SSBP4: variants seen among roughly 807,000 people sequenced by gnomAD.
The protein encoded by SSBP4 is single stranded DNA binding protein 4, also known as single-stranded DNA-binding protein 4.
In SSBP4, 33 loss-of-function variants were observed where a neutral mutation model predicts 64.6. The ratio of observed to expected loss-of-function variants is 0.51; its 90% CI spans 0.39 to 0.68. The LOEUF is 0.68. Among genes scored for constraint, SSBP4 ranks in the 30% least tolerant of loss-of-function variants. The pLI, the probability that SSBP4 is intolerant of heterozygous loss-of-function variation, is 0.00. For missense variants in SSBP4, 583 were observed against 566.8 expected (o/e 1.03, Z -0.29); for synonymous variants, 243 against 224.0 (o/e 1.08, Z -0.76).
upstream of SSBP4, among the ~76,000 whole-genome samples, chr19:18,414,135 A>C (rs1356256847): frequency 6.6e-6 from 1 of 152,236 alleles, no homozygotes; most frequent in Admixed American, 6.5e-5. Context: ...GATGGGCTGC[A>C]GCCAGCGTGC....
intron 17 of SSBP4, 173 bp downstream of exon 17, chr19:18,433,990 A>G: frequency 1.2e-6 from 1 of 801,580 alleles, no homozygotes; most frequent in East Asian, 7.4e-5. Flanking sequence ...ACCCCCCACC[A>G]CCTCCCGCTC....
chr19:18,430,359 C>T (rs767655688), intron 4 of SSBP4, among the ~76,000 whole-genome samples: 5 of 152,192 alleles, frequency 3.3e-5, no homozygotes, highest in East Asian at 1.9e-4. Context: ...CCTGTCTTGT[C>T]GCCTTCTCCA....
rs887432401 is a variant in SSBP4 at position 18,434,375 on chromosome 19, G to GC, written c.*133dup. ...CAATCAAGGCTTGCCCAGCTGGGAG[G>GC]CCCCACACGAAAGACTCTTACCATT... On this transcript the variant is annotated 3_prime_UTR_variant, in exon 18 of 18. Transcript: ENST00000270061. The GC allele has an allele frequency of 4.1e-6, 6 of 1,457,012 alleles. No homozygotes were observed. In the African/African-American group the frequency reaches 8.7e-5, roughly 21 times the overall value. 90.3% of individuals were successfully genotyped at this position (1,457,012 alleles called of 1,614,324 possible). A position where few individuals can be genotyped will look rare whatever the true frequency, so the allele number is the denominator to read the frequency against.
the SSBP4 span, among the ~76,000 whole-genome samples, chr19:18,409,977 G>C: frequency 2.0e-5 from 3 of 152,082 alleles, no homozygotes; most frequent in Admixed American, 1.3e-4. Flanking sequence ...AAATACAGGC[G>C]CATGACACCA....
chr19:18,428,006 A>G (rs763304391), intron 4 of SSBP4, 24 bp downstream of exon 4: 10 of 1,293,690 alleles, frequency 7.7e-6, no homozygotes, highest in Middle Eastern at 2.1e-4. Context: ...CCAGGGACTC[A>G]GGGGCTCCAG....
At chr19:18,408,602 C>T in the SSBP4 span, among the ~76,000 whole-genome samples, 1,173 of 151,882 alleles carry the variant, frequency 7.7e-3, 15 homozygotes, top group African/African-American at 0.026. Flanking sequence ...AAGTGATTCT[C>T]CTGCCTCAGC....
intron 1 of SSBP4, among the ~76,000 whole-genome samples, chr19:18,420,432 G>A (rs1273494378): frequency 6.6e-6 from 1 of 152,146 alleles, no homozygotes; most frequent in Admixed American, 6.5e-5. Context: ...GATGGAGGAA[G>A]GGTCGTGGTG....
At chr19:18,431,304 AC>A in intron 5 of SSBP4, 48 bp from the exon 6 acceptor site, 1 of 627,114 alleles carries the variant, frequency 1.6e-6, no homozygotes, top group Non-Finnish European at 2.9e-6. Context: ...CCTCAGCCAA[AC>A]CCAGTAGGGC....
chr19:18,431,470 G>A lies in SSBP4; in HGVS notation c.435+52G>A, dbSNP rs369515073. ...ACACACACACATCCCCTCCCCCAGC[G>A]CCGCCCCCTCCCACCCTCAAGCCAT... On this transcript the variant is annotated intron_variant, in intron 6 of 17. Transcript: ENST00000270061. 99 of 1,081,456 alleles carry A rather than the reference G, an allele frequency of 9.2e-5. No homozygotes were observed. In the African/African-American group the frequency reaches 9.6e-4, roughly 10 times the overall value. 67.0% of individuals were successfully genotyped at this position (1,081,456 alleles called of 1,614,324 possible).
the SSBP4 span, among the ~76,000 whole-genome samples, chr19:18,411,452 G>A: frequency 1.3e-4 from 20 of 152,088 alleles, no homozygotes; most frequent in South Asian, 8.3e-4. Context: ...TCAAGATTGC[G>A]CCACTGCACT....
the SSBP4 span, among the ~76,000 whole-genome samples, chr19:18,404,131 C>T: frequency 1.5e-4 from 23 of 152,016 alleles, no homozygotes; most frequent in Admixed American, 6.5e-4. Context: ...TAGGGACACT[C>T]AGAAACGCCC....
rs1248859785 is a variant in SSBP4, at chr19:18,427,441, G to T, written c.132+18G>T. On this transcript the variant is annotated intron_variant, in intron 2 of 17. Coordinates refer to ENST00000270061, the MANE Select transcript of SSBP4 (RefSeq NM_032627.5). The surrounding 1 kb of genome is among the most constrained non-coding windows in gnomAD (Gnocchi z 4.4). ...TGTCTGAGGTAAGCCACCACCTCCA[G>T]GCTGGCCCTCCCTCCTCACCCACAC... is the stretch of plus-strand genomic sequence containing the variant. 1 of 1,607,420 alleles carries T rather than the reference G, an allele frequency of 6.2e-7. No homozygotes were observed. Among genetic ancestry groups the T allele is most frequent in the South Asian group, 1.1e-5 (1 of 90,918 alleles).
chr19:18,433,495 G>C, intron 15 of SSBP4, 90 bp from the exon 16 acceptor site: 1 of 1,510,454 alleles, frequency 6.6e-7, no homozygotes, highest in Non-Finnish European at 8.9e-7. Context: ...CGTCGGCGGG[G>C]GCAGCTTGCG....
At chr19:18,409,514 C>G in the SSBP4 span, among the ~76,000 whole-genome samples, 1 of 151,900 alleles carries the variant, frequency 6.6e-6, no homozygotes, top group Non-Finnish European at 1.5e-5. Flanking sequence ...ATTTTACTTT[C>G]TTAATAAATT....
At chr19:18,413,612 T>C in the SSBP4 span, among the ~76,000 whole-genome samples, 10 of 152,142 alleles carry the variant, frequency 6.6e-5, no homozygotes, top group Non-Finnish European at 1.5e-5. Flanking sequence ...TATCCGGCCA[T>C]GGGAGCTGGG....
chr19:18,428,962 C>G (rs1040840336), intron 4 of SSBP4, among the ~76,000 whole-genome samples: 3 of 152,160 alleles, frequency 2.0e-5, no homozygotes, highest in Admixed American at 6.5e-5. Flanking sequence ...GGTCTAGCAT[C>G]CTCTCTGGGC....
At chr19:18,429,018 C>T (rs1568350519) in intron 4 of SSBP4, among the ~76,000 whole-genome samples, 1 of 152,142 alleles carries the variant, frequency 6.6e-6, no homozygotes, top group Non-Finnish European at 1.5e-5. Context: ...TCGGCGTGAA[C>T]GCGCTTCCCA....
At chr19:18,416,411 A>G (rs1972131385), upstream of SSBP4, among the ~76,000 whole-genome samples, 1 of 152,104 alleles carries the variant, frequency 6.6e-6, no homozygotes, top group Non-Finnish European at 1.5e-5. Flanking sequence ...TGCTGGGTTC[A>G]AGCCATCATC....
chr19:18,415,532 C>A (rs1338587753), upstream of SSBP4, among the ~76,000 whole-genome samples: 1 of 151,936 alleles, frequency 6.6e-6, no homozygotes, highest in Non-Finnish European at 1.5e-5. Context: ...AGGGACTGTG[C>A]GGAAACAGTC....
Sources: gnomAD v4.1 joint callset for allele counts (sites outside exome capture counted in the v4.1 genomes callset) on GRCh38, gnomAD v4.1.1 for gene constraint, Gnocchi (gnomAD v3.1) non-coding constraint, MANE v1.5 for transcripts, NCBI Gene and HGNC (gene_info 2026-07-23, HGNC 2026-07-21) for gene names.